MACROD2: variants seen among roughly 807,000 people sequenced by gnomAD.
MACROD2 encodes the protein ADP-ribose glycohydrolase MACROD2.
MACROD2 carries 36 observed loss-of-function variants against 70.4 expected under a neutral mutation model. That is an observed-to-expected ratio of 0.51 (90% confidence interval 0.39 to 0.68). MACROD2 has a LOEUF of 0.68. MACROD2 is among the 30% of genes least tolerant of loss of function. MACROD2 has a pLI of 0.00. For synonymous variants in MACROD2, 172 were observed against 178.8 expected, an observed-to-expected ratio of 0.96 and a Z score of 0.30; for missense variants, 496 against 538.4, an observed-to-expected ratio of 0.92 and a Z score of 0.78.
intron 5 of MACROD2, among the ~76,000 whole-genome samples, chr20:14,800,498 A>G (rs2072561726): frequency 6.6e-6 from 1 of 152,132 alleles, no homozygotes; most frequent in African/African-American, 2.4e-5. Flanking sequence ...AATACATTAC[A>G]TAGACTAACT....
chr20:14,945,180 T>C (rs1217831292), intron 5 of MACROD2, among the ~76,000 whole-genome samples: 2 of 151,848 alleles, frequency 1.3e-5, no homozygotes, highest in Non-Finnish European at 2.9e-5. Context: ...GCAGTGGGCC[T>C]GATCTTGGCT....
intron 7 of MACROD2, among the ~76,000 whole-genome samples, chr20:15,461,006 A>ATT (rs951397131): frequency 0.021 from 1,406 of 66,932 alleles, 80 homozygotes; most frequent in Non-Finnish European, 0.036. Flanking sequence ...ATATATATAT[A>ATT]TTTTTTTTTA....
At chr20:15,366,448 TCAAAATCATC>T (rs1362599183) in intron 6 of MACROD2, among the ~76,000 whole-genome samples, 1 of 152,184 alleles carries the variant, frequency 6.6e-6, no homozygotes, top group Non-Finnish European at 1.5e-5. Context: ...AGAAAAGAAA[TCAAAATCATC>T]CATATTCTCA....
At chr20:14,638,935 G>A (rs1984940640) in intron 4 of MACROD2, among the ~76,000 whole-genome samples, 2 of 145,864 alleles carry the variant, frequency 1.4e-5, no homozygotes, top group Non-Finnish European at 3.0e-5. Context: ...GGGCGACAGA[G>A]CAAGACTATG....
At chr20:14,668,800 T>C (rs2070764218) in intron 4 of MACROD2, among the ~76,000 whole-genome samples, 1 of 152,134 alleles carries the variant, frequency 6.6e-6, no homozygotes, top group Non-Finnish European at 1.5e-5. Context: ...CATGAAAATT[T>C]AGAAGTTATG....
intron 15 of MACROD2, among the ~76,000 whole-genome samples, chr20:16,038,113 TTATC>T (rs761591822): frequency 3.9e-4 from 60 of 152,026 alleles, no homozygotes; most frequent in Non-Finnish European, 7.7e-4. Flanking sequence ...TGTTATGAAT[TTATC>T]TATAAGTTTT....
At chr20:15,031,192 G>A (rs897495286) in intron 5 of MACROD2, among the ~76,000 whole-genome samples, 42 of 152,338 alleles carry the variant, frequency 2.8e-4, no homozygotes, top group Admixed American at 2.3e-3. Flanking sequence ...GTCAGGGAAC[G>A]TGGTGGCACC....
At chr20:15,976,140 G>GTT (rs1333710147) in intron 13 of MACROD2, among the ~76,000 whole-genome samples, 1 of 152,208 alleles carries the variant, frequency 6.6e-6, no homozygotes, top group Non-Finnish European at 1.5e-5. Flanking sequence ...TTCAGAAACA[G>GTT]TCCATTTACA....
At chr20:15,759,220 A>C (rs1254486719) in intron 8 of MACROD2, among the ~76,000 whole-genome samples, 2 of 151,826 alleles carry the variant, frequency 1.3e-5, no homozygotes. Flanking sequence ...ATGTTCAAAG[A>C]TGCCTCTGTG....
At chr20:14,344,071 C>A (rs1473753252) in intron 3 of MACROD2, among the ~76,000 whole-genome samples, 4 of 152,032 alleles carry the variant, frequency 2.6e-5, no homozygotes, top group Non-Finnish European at 4.4e-5. Context: ...TATCTCTTTG[C>A]TATTTCTCTG....
chr20:14,478,397 A>G (rs960519955), intron 3 of MACROD2, among the ~76,000 whole-genome samples: 3 of 152,124 alleles, frequency 2.0e-5, no homozygotes, highest in Non-Finnish European at 4.4e-5. Context: ...GCTAAGGACT[A>G]TCTGCTGTCA....
At chr20:15,716,327 A>G (rs931493509) in intron 8 of MACROD2, among the ~76,000 whole-genome samples, 3 of 152,204 alleles carry the variant, frequency 2.0e-5, no homozygotes, top group Admixed American at 6.5e-5. Flanking sequence ...TCCTCCAGAT[A>G]CATGGATTTT....
rs532397898 is a variant in MACROD2, at chr20:16,049,190, G to A, written c.1301-640G>A. Among the ~76,000 whole-genome samples the A allele has an allele frequency of 1.6e-4, 25 of 152,228 alleles. No individual in the cohort carries two copies. In the East Asian group the frequency reaches 4.1e-3, roughly 25 times the overall value. ...AGGGAAGGGAACTTTCCAGGGTGAT[G>A]TCATGTATATCTTCTTGGTGGTGTG... On this transcript the variant is annotated intron_variant, in intron 17 of 17. Coordinates refer to ENST00000684519, the MANE Select transcript of MACROD2 (RefSeq NM_001351661.2).
At chr20:14,735,030 C>A (rs1168620263) in intron 5 of MACROD2, among the ~76,000 whole-genome samples, 7 of 151,802 alleles carry the variant, frequency 4.6e-5, no homozygotes, top group Non-Finnish European at 8.8e-5. Flanking sequence ...AACTATAAAA[C>A]CCTTAGAAAA....
At chr20:14,939,287 A>G (rs2423858) in intron 5 of MACROD2, among the ~76,000 whole-genome samples, 39,022 of 151,576 alleles carry the variant, frequency 0.26, 5,073 homozygotes, top group Non-Finnish European at 0.28. Context: ...AGAGATAGGG[A>G]TCTAGTTTCA....
At chr20:14,764,603 C>T (rs1448550637) in intron 5 of MACROD2, among the ~76,000 whole-genome samples, 4 of 152,038 alleles carry the variant, frequency 2.6e-5, no homozygotes, top group African/African-American at 9.7e-5. Context: ...CTTATTTACC[C>T]TAAAACAGTT....
At chr20:15,264,856 G>GA in intron 6 of MACROD2, among the ~76,000 whole-genome samples, 1 of 152,072 alleles carries the variant, frequency 6.6e-6, no homozygotes, top group African/African-American at 2.4e-5. Flanking sequence ...GAGAGAAAGA[G>GA]GATAGTGAGA....
At chr20:15,166,979 T>C (rs1046761364) in intron 5 of MACROD2, among the ~76,000 whole-genome samples, 1 of 150,810 alleles carries the variant, frequency 6.6e-6, no homozygotes, top group African/African-American at 2.4e-5. Flanking sequence ...AATTTAAGTA[T>C]TTAATTTAAG....
intron 10 of MACROD2, among the ~76,000 whole-genome samples, chr20:15,920,482 G>T (rs1211205167): frequency 6.6e-6 from 1 of 152,172 alleles, no homozygotes; most frequent in African/African-American, 2.4e-5. Context: ...AAAATTTCTA[G>T]AAGTTATTCT....
Sources: gnomAD v4.1 joint callset for allele counts (sites outside exome capture counted in the v4.1 genomes callset) on GRCh38, gnomAD v4.1.1 for gene constraint, MANE v1.5 for transcripts, NCBI Gene and HGNC (gene_info 2026-07-23, HGNC 2026-07-21) for gene names.